Variants in CDH7 observed in about 807,000 individuals in gnomAD.
CDH7 encodes cadherin-7.
CDH7 carries 25 observed loss-of-function variants against 71.8 expected under a neutral mutation model. The ratio of observed to expected loss-of-function variants is 0.35; its 90% CI spans 0.25 to 0.49. The LOEUF is 0.49. Ranked by LOEUF, CDH7 falls within the 20% of genes least tolerant of loss-of-function variation. The pLI, the probability that CDH7 is intolerant of heterozygous loss-of-function variation, is 0.99. For missense variants in CDH7, 862 were observed against 974.6 expected, an observed-to-expected ratio of 0.88 and a Z score of 1.54; for synonymous variants, 381 against 363.8, an observed-to-expected ratio of 1.05 and a Z score of -0.54.
intron 11 of CDH7, among the ~76,000 whole-genome samples, chr18:65,864,295 C>T (rs372944177): frequency 1.2e-4 from 19 of 152,138 alleles, no homozygotes; most frequent in Non-Finnish European, 1.9e-4. Context: ...GCCTGCAAGC[C>T]GCAAGCAGCT....
rs1277408438 is a variant in CDH7 at position 65,782,043 on chromosome 18, TTC to T, written c.210+18992_210+18993del. On this transcript the variant is annotated intron_variant, in intron 2 of 11. Transcript: ENST00000397968. ...CTCTCTTTCTCCCTTCCTTCCTTCC[TTC>T]CTTCCTTCCTTCCTTCCTTTCTTTC... 3.2e-4 allele frequency among the ~76,000 whole-genome samples: 21 copies of T among 66,294 alleles called. 4 individuals are homozygous for T. The highest frequency in any genetic ancestry group is 0.018 in the Middle Eastern group (2 of 114). The allele number at this position is 66,294 out of a possible 152,430, so 43.5% of individuals were successfully genotyped here. A position where few individuals can be genotyped will look rare whatever the true frequency, so the allele number is the denominator to read the frequency against.
intron 6 of CDH7, among the ~76,000 whole-genome samples, chr18:65,829,775 A>AGTGTGTGTGTGT (rs3061822): frequency 1.1e-4 from 15 of 138,196 alleles, no homozygotes; most frequent in African/African-American, 1.9e-4. Flanking sequence ...CAAGGAAGGG[A>AGTGTGTGTGTGT]GTGTGTGTGT....
intron 2 of CDH7, among the ~76,000 whole-genome samples, chr18:65,807,658 C>T (rs1423334531): frequency 4.6e-5 from 7 of 152,146 alleles, no homozygotes; most frequent in African/African-American, 1.7e-4. Context: ...TTAAGCGGCC[C>T]GGGGACTGGA....
chr18:65,834,146 A>T (rs1912451217), intron 6 of CDH7, among the ~76,000 whole-genome samples: 1 of 152,204 alleles, frequency 6.6e-6, no homozygotes, highest in Non-Finnish European at 1.5e-5. Context: ...TAATTGTATA[A>T]GGAAGGTTAA....
In CDH7 at chr18:65,781,776, T is replaced by TTTCTTTCTA. The variant is rs1568181291; in HGVS notation, c.210+18725_210+18726insTCTTTCTAT. Among the ~76,000 whole-genome samples the TTTCTTTCTA allele has an allele frequency of 1.6e-3, 93 of 56,902 alleles. 6 individuals carry two copies. Among genetic ancestry groups the TTTCTTTCTA allele is most frequent in the East Asian group, 9.7e-4 (2 of 2,064 alleles). 37.3% of individuals were successfully genotyped at this position (56,902 alleles called of 152,430 possible). On this transcript the variant is annotated intron_variant, in intron 2 of 11. Transcript: ENST00000397968. ...TTTCTTTCTTTCTTTCTTTCCTTCCTTCCTTCCTTCCTTCCTTCCTTCCTT... is the reference window on the plus strand; with the variant it reads ...TTTCTTTCTTTCTTTCTTTCCTTCCTTTCTTTCTATCCTTCCTTCCTTCCTTCCTTCCTT...
At chr18:65,863,658 A>G (rs563785341) in intron 11 of CDH7, 3 of 152,340 alleles carry the variant, frequency 2.0e-5, no homozygotes, top group South Asian at 4.1e-4. Context: ...GCTTTCTTAA[A>G]TTATTTGCAA....
At chr18:65,828,255 A>T (rs1384938491) in intron 6 of CDH7, among the ~76,000 whole-genome samples, 1 of 152,122 alleles carries the variant, frequency 6.6e-6, no homozygotes, top group Non-Finnish European at 1.5e-5. Context: ...TTGACTAAAA[A>T]TAGTGGAAAT....
At chr18:65,831,654 C>T (rs1472205980) in intron 6 of CDH7, among the ~76,000 whole-genome samples, 2 of 152,006 alleles carry the variant, frequency 1.3e-5, no homozygotes, top group Admixed American at 1.3e-4. Context: ...TAAAACTTTT[C>T]CAGGGAGCTT....
chr18:65,825,370 A>C (rs891517783), intron 6 of CDH7, among the ~76,000 whole-genome samples: 5 of 151,906 alleles, frequency 3.3e-5, no homozygotes, highest in Non-Finnish European at 7.4e-5. Context: ...TACTTTCTAC[A>C]GAGCGAGTGT....
At chr18:65,781,978 C>CTTTCTCTCTTTCTCTCTTTCTCTCTT (rs1910273394) in intron 2 of CDH7, among the ~76,000 whole-genome samples, 1 of 91,854 alleles carries the variant, frequency 1.1e-5, no homozygotes, top group Admixed American at 9.6e-5. Flanking sequence ...CTCTCTCTCT[C>CTTTCTCTCTTTCTCTCTTTCTCTCTT]TCTCTCTCTT....
chr18:65,880,304 G>A lies in CDH7; in HGVS notation c.1865-97G>A, dbSNP rs2144072230. The A allele has an allele frequency of 5.5e-6, 7 of 1,277,706 alleles. No homozygotes were observed. The South Asian group carries it at 9.9e-5, about 18-fold the overall frequency. 79.1% of individuals were successfully genotyped at this position (1,277,706 alleles called of 1,614,324 possible). A position where few individuals can be genotyped will look rare whatever the true frequency, so the allele number is the denominator to read the frequency against. On this transcript the variant is annotated intron_variant, in intron 11 of 11. Transcript: ENST00000397968. ...CCAATTCATTTCTCTTTAAAGGGAA[G>A]AAAACCTGTAACTCAGCGTCCTAGG...
At chr18:65,757,287 A>G (rs1916056216) in intron 1 of CDH7, among the ~76,000 whole-genome samples, 2 of 152,204 alleles carry the variant, frequency 1.3e-5, no homozygotes, top group South Asian at 2.1e-4. Context: ...ACTTAGTTTA[A>G]CAAAAATAAT....
intron 2 of CDH7, among the ~76,000 whole-genome samples, chr18:65,798,884 G>T (rs962632242): frequency 1.3e-5 from 2 of 152,108 alleles, no homozygotes; most frequent in Non-Finnish European, 2.9e-5. Flanking sequence ...AGGCACGCAG[G>T]GGATCTGGGA....
chr18:65,791,979 A>G (rs776956243), intron 2 of CDH7, among the ~76,000 whole-genome samples: 1 of 152,170 alleles, frequency 6.6e-6, no homozygotes, highest in Non-Finnish European at 1.5e-5. Context: ...CTTTGACTAA[A>G]TAAACTTTCT....
chr18:65,752,909 G>A (rs1915925243), intron 1 of CDH7, among the ~76,000 whole-genome samples: 1 of 152,186 alleles, frequency 6.6e-6, no homozygotes. Context: ...GTAATTAAGG[G>A]CTGCAAGAGG....
chr18:65,881,020 G>A lies in CDH7; in HGVS notation c.*126G>A. The A allele has an allele frequency of 1.1e-6, 1 of 924,910 alleles. No individual in the cohort carries two copies. Among genetic ancestry groups the A allele is most frequent in the Non-Finnish European group, 1.6e-6 (1 of 643,158 alleles). 57.3% of individuals were successfully genotyped at this position (924,910 alleles called of 1,614,324 possible). On this transcript the variant is annotated 3_prime_UTR_variant, in exon 12 of 12. Transcript: ENST00000397968. ...CTCCCCTTGCTGGAGACAGATGGTT[G>A]TAAATATTTCTCCATTTTTAATTGT...
intron 11 of CDH7, among the ~76,000 whole-genome samples, chr18:65,874,695 T>C (rs1050353083): frequency 1.1e-4 from 17 of 151,766 alleles, no homozygotes; most frequent in African/African-American, 4.1e-4. Flanking sequence ...CAAATATGCA[T>C]ATTTTATATG....
At chr18:65,842,818 AGTATGTATTATATTTTTC>A (rs574915343) in intron 6 of CDH7, among the ~76,000 whole-genome samples, 8,162 of 150,848 alleles carry the variant, frequency 0.054, 279 homozygotes, top group South Asian at 0.14. Flanking sequence ...AACTAAGTCA[AGTATGTATTATATTTTTC>A]AGTATTCCTG....
In CDH7 at chr18:65,880,800, C is replaced by T. The variant is rs1335217773; in HGVS notation, c.2264C>T (p.Ser755Phe). 7 of 1,614,016 alleles carry T rather than the reference C, an allele frequency of 4.3e-6. No homozygotes were observed. The Admixed American group carries it at 1.2e-4, about 27-fold the overall frequency. The change falls in exon 12 of 12, where the codon TCT (serine) becomes TTT (phenylalanine). Residue 755 changes from serine to phenylalanine, a missense_variant. Physicochemically the swap from Ser to Phe is radical, Grantham distance 155 (BLOSUM62 -2). Coordinates refer to ENST00000397968, the MANE Select transcript of CDH7 (RefSeq NM_004361.5). ...LSSLDSISSN[S>F]DQNYDYLSDW... The stretch of plus-strand genomic sequence containing the variant: ...TCTTTAGATTCCATCAGCTCAAACT[C>T]TGATCAGAACTATGACTACCTAAGT...
Sources: allele counts gnomAD v4.1 joint callset (sites outside exome capture counted in the v4.1 genomes callset), GRCh38; gene constraint gnomAD v4.1.1; transcripts MANE v1.5; gene names NCBI Gene and HGNC (gene_info 2026-07-23, HGNC 2026-07-21).